Variants in UVRAG observed in about 807,000 individuals in gnomAD.
UVRAG encodes UV radiation resistance-associated gene protein.
A neutral mutation model predicts 78.0 loss-of-function variants in UVRAG; 19 were observed. That is an observed-to-expected ratio of 0.24 (90% confidence interval 0.17 to 0.36). The LOEUF (loss-of-function observed/expected upper bound fraction) is 0.36. Among genes scored for constraint, UVRAG ranks in the 10% least tolerant of loss-of-function variants. The pLI, the probability that UVRAG is intolerant of heterozygous loss-of-function variation, is 1.00. For missense variants in UVRAG, 740 were observed against 853.8 expected (o/e 0.87, Z 1.66); for synonymous variants, 323 against 324.6 (o/e 1.00, Z 0.05).
In UVRAG at chr11:76,140,066, C is replaced by T. The variant is rs1443378326; in HGVS notation, c.1398-645C>T. Among the ~76,000 whole-genome samples the T allele has an allele frequency of 1.8e-3, 22 of 12,000 alleles. 1 individual carries two copies. Among genetic ancestry groups the T allele is most frequent in the Non-Finnish European group, 2.5e-3 (17 of 6,676 alleles). The allele number at this position is 12,000 out of a possible 152,430, so 7.9% of individuals were successfully genotyped here. On this transcript the variant is annotated intron_variant, in intron 14 of 14. Transcript: ENST00000356136. ...AACCTTGACTCTCTCTCTCTCCCTC[C>T]CTCCCTCCCTCCCTCCCCCTCTCCC... is the stretch of plus-strand genomic sequence containing the variant.
chr11:75,928,227 A>C (rs533362517), intron 6 of UVRAG, among the ~76,000 whole-genome samples: 152 of 152,326 alleles, frequency 1.0e-3, no homozygotes, highest in African/African-American at 3.4e-3. Flanking sequence ...CACTTACCAG[A>C]CACCTAAATA....
chr11:75,887,565 A>G (rs1284639008), intron 4 of UVRAG, among the ~76,000 whole-genome samples: 1 of 149,610 alleles, frequency 6.7e-6, no homozygotes, highest in African/African-American at 2.5e-5. Context: ...CTCCTGCCTC[A>G]GCCTCCCGAG....
chr11:75,930,120 T>G lies in UVRAG; in HGVS notation c.593+18081T>G, dbSNP rs540913245. ...GTGTTGTATATATTTTATCATTCTATTTAATTCTTTCAGCAACCAGGGACA... is the reference window on the plus strand; with the variant it reads ...GTGTTGTATATATTTTATCATTCTAGTTAATTCTTTCAGCAACCAGGGACA... On this transcript the variant is annotated intron_variant, in intron 6 of 14. Coordinates refer to ENST00000356136, the MANE Select transcript of UVRAG (RefSeq NM_003369.4). 1.2e-3 allele frequency among the ~76,000 whole-genome samples: 177 copies of G among 152,342 alleles called. 4 individuals carry two copies. In the South Asian group the frequency reaches 0.035, roughly 30 times the overall value.
At chr11:75,822,325 C>T (rs946378201) in intron 1 of UVRAG, among the ~76,000 whole-genome samples, 2 of 152,198 alleles carry the variant, frequency 1.3e-5, no homozygotes, top group African/African-American at 4.8e-5. Flanking sequence ...CTGTTTTCTC[C>T]TATTACACTG....
chr11:76,054,344 C>T (rs567578642), intron 12 of UVRAG, among the ~76,000 whole-genome samples: 3 of 152,116 alleles, frequency 2.0e-5, no homozygotes, highest in Non-Finnish European at 4.4e-5. Flanking sequence ...TGGTTCAAAC[C>T]GCTGTCTTCT....
chr11:75,977,162 C>T (rs1281209453), intron 7 of UVRAG, among the ~76,000 whole-genome samples: 3 of 152,178 alleles, frequency 2.0e-5, no homozygotes, highest in East Asian at 3.9e-4. Flanking sequence ...GTTCAGTTTC[C>T]ATGTAGTTGA....
At chr11:76,075,262 T>TAA (rs59240658) in intron 13 of UVRAG, among the ~76,000 whole-genome samples, 1 of 151,786 alleles carries the variant, frequency 6.6e-6, no homozygotes, top group African/African-American at 2.4e-5. Flanking sequence ...GTACTAAATT[T>TAA]AAAAAAAAGT....
intron 13 of UVRAG, among the ~76,000 whole-genome samples, chr11:76,068,705 C>T (rs1951244214): frequency 6.6e-6 from 1 of 152,172 alleles, no homozygotes; most frequent in African/African-American, 2.4e-5. Flanking sequence ...TTGTCTTTGA[C>T]CTTACTGCCA....
chr11:75,990,896 T>C (rs149991981), intron 8 of UVRAG, among the ~76,000 whole-genome samples: 76 of 152,320 alleles, frequency 5.0e-4, no homozygotes, highest in African/African-American at 1.8e-3. Context: ...ATAGTACACA[T>C]AGAATAAATA....
intron 8 of UVRAG, among the ~76,000 whole-genome samples, chr11:75,987,808 C>T (rs1283739759): frequency 6.6e-6 from 1 of 151,770 alleles, no homozygotes; most frequent in Admixed American, 6.6e-5. Context: ...GTGGTCTCGG[C>T]TCACTGCACC....
At chr11:76,034,690 G>T (rs1938411960) in intron 12 of UVRAG, among the ~76,000 whole-genome samples, 1 of 152,002 alleles carries the variant, frequency 6.6e-6, no homozygotes, top group Non-Finnish European at 1.5e-5. Flanking sequence ...GTAGCAGTTT[G>T]CCATATTTCC....
intron 7 of UVRAG, among the ~76,000 whole-genome samples, chr11:75,967,705 G>T (rs1293273020): frequency 6.6e-6 from 1 of 152,094 alleles, no homozygotes; most frequent in Non-Finnish European, 1.5e-5. Context: ...AATATTTTGT[G>T]AATTTAACTG....
chr11:76,134,260 C>CTTT (rs1180218277), intron 14 of UVRAG, among the ~76,000 whole-genome samples: 18 of 122,830 alleles, frequency 1.5e-4, no homozygotes, highest in African/African-American at 5.3e-4. Context: ...CACACCTGGC[C>CTTT]TTTTTTTTTT....
intron 6 of UVRAG, among the ~76,000 whole-genome samples, chr11:75,958,585 C>T (rs992251434): frequency 6.6e-6 from 1 of 152,206 alleles, no homozygotes; most frequent in Non-Finnish European, 1.5e-5. Flanking sequence ...TCTGCAGTTA[C>T]TTCCTCCACT....
chr11:76,095,314 C>T (rs1644962106), intron 13 of UVRAG, among the ~76,000 whole-genome samples: 1 of 152,130 alleles, frequency 6.6e-6, no homozygotes, highest in Admixed American at 6.6e-5. Flanking sequence ...TTCCCTACTT[C>T]TGGCTTGGAA....
chr11:75,883,439 A>G (rs1590972695), intron 4 of UVRAG, among the ~76,000 whole-genome samples: 1 of 152,092 alleles, frequency 6.6e-6, no homozygotes, highest in African/African-American at 2.4e-5. Context: ...GAAACTTAAG[A>G]TCATTGTAGA....
intron 8 of UVRAG, among the ~76,000 whole-genome samples, chr11:75,985,026 G>T (rs114411383): frequency 0.011 from 1,707 of 152,216 alleles, 36 homozygotes; most frequent in African/African-American, 0.039. Flanking sequence ...TAGAATTACA[G>T]TCAAGAGAAT....
At chr11:76,060,681 C>T (rs1420888324) in intron 12 of UVRAG, among the ~76,000 whole-genome samples, 1 of 152,216 alleles carries the variant, frequency 6.6e-6, no homozygotes, top group Non-Finnish European at 1.5e-5. Flanking sequence ...CCTGCTGGCC[C>T]CAGGCAGTGA....
At chr11:75,923,120 C>T (rs935485640) in intron 6 of UVRAG, among the ~76,000 whole-genome samples, 7 of 150,168 alleles carry the variant, frequency 4.7e-5, no homozygotes, top group East Asian at 1.9e-4. Flanking sequence ...CTGCAACCTC[C>T]GCCTCAAAAA....
Sources: allele counts gnomAD v4.1 joint callset (sites outside exome capture counted in the v4.1 genomes callset), GRCh38; gene constraint gnomAD v4.1.1; transcripts MANE v1.5; gene names NCBI Gene and HGNC (gene_info 2026-07-23, HGNC 2026-07-21).